DSCAM: variants seen among roughly 807,000 people sequenced by gnomAD.
DSCAM encodes the protein cell adhesion molecule DSCAM.
A neutral mutation model predicts 217.7 loss-of-function variants in DSCAM; 47 were observed. The observed-to-expected ratio is 0.22, with a 90% CI of 0.17 to 0.28. The LOEUF (loss-of-function observed/expected upper bound fraction) is 0.28. DSCAM is among the 10% of genes least tolerant of loss of function. DSCAM has a pLI of 1.00. For synonymous variants in DSCAM, 1,056 were observed against 1,015.3 expected (o/e 1.04, Z -0.76); for missense variants, 2,080 against 2,618.3 (o/e 0.79, Z 4.49).
At chr21:40,281,159 T>C (rs1601514002) in intron 10 of DSCAM, among the ~76,000 whole-genome samples, 1 of 152,212 alleles carries the variant, frequency 6.6e-6, no homozygotes, top group Non-Finnish European at 1.5e-5. Flanking sequence ...GGGTAATTTG[T>C]TACAAAGCAA....
chr21:40,257,183 T>C (rs918988260), intron 11 of DSCAM, among the ~76,000 whole-genome samples: 4 of 152,134 alleles, frequency 2.6e-5, no homozygotes, highest in African/African-American at 7.2e-5. Flanking sequence ...TCATACAGGA[T>C]ACAAAACTCT....
At chr21:40,269,354 TCTG>T (rs2073583975) in intron 11 of DSCAM, among the ~76,000 whole-genome samples, 1 of 152,228 alleles carries the variant, frequency 6.6e-6, no homozygotes, top group Non-Finnish European at 1.5e-5. Context: ...ATTCTGGTTG[TCTG>T]CCCATCCTTC....
intron 7 of DSCAM, among the ~76,000 whole-genome samples, chr21:40,338,727 C>G (rs9976264): frequency 0.02 from 2,987 of 152,284 alleles, 45 homozygotes; most frequent in Non-Finnish European, 0.031. Context: ...AATTGTTTAA[C>G]TCTCTCTGTA....
intron 3 of DSCAM, among the ~76,000 whole-genome samples, chr21:40,508,784 T>A (rs2076234951): frequency 1.1e-4 from 1 of 9,090 alleles, no homozygotes. Context: ...TATATATATA[T>A]TTTTTTTTTT....
intron 3 of DSCAM, among the ~76,000 whole-genome samples, chr21:40,392,569 G>C (rs981077669): frequency 6.6e-6 from 1 of 152,162 alleles, no homozygotes; most frequent in Non-Finnish European, 1.5e-5. Flanking sequence ...AAGAAGGGTA[G>C]AACACAAGTT....
intron 11 of DSCAM, among the ~76,000 whole-genome samples, chr21:40,208,462 A>G (rs998305900): frequency 6.6e-6 from 1 of 152,172 alleles, no homozygotes; most frequent in African/African-American, 2.4e-5. Flanking sequence ...CCGGGCCACA[A>G]TTCCATTGTC....
chr21:40,750,158 C>T (rs1314108679), intron 1 of DSCAM, among the ~76,000 whole-genome samples: 1 of 152,062 alleles, frequency 6.6e-6, no homozygotes, highest in Non-Finnish European at 1.5e-5. Flanking sequence ...AAACTCCCAA[C>T]CTGAGGTGAT....
intron 3 of DSCAM, among the ~76,000 whole-genome samples, chr21:40,681,851 G>A (rs2090404382): frequency 6.6e-6 from 1 of 152,186 alleles, no homozygotes; most frequent in South Asian, 2.1e-4. Context: ...ACTGGATGGA[G>A]TGAGACTTCT....
chr21:40,290,371 C>T (rs1228937347), intron 10 of DSCAM, among the ~76,000 whole-genome samples: 2 of 152,098 alleles, frequency 1.3e-5, no homozygotes, highest in Admixed American at 1.3e-4. Context: ...GTCTGTAATC[C>T]CAGCACTTTG....
In DSCAM at chr21:40,433,165, T is replaced by G. The variant is rs137973656; in HGVS notation, c.509-63920A>C. Among the ~76,000 whole-genome samples, 1,239 of 151,878 alleles carry G rather than the reference T, an allele frequency of 8.2e-3. 14 individuals are homozygous for G. Among genetic ancestry groups the G allele is most frequent in the Non-Finnish European group, 0.012 (786 of 67,934 alleles). On this transcript the variant is annotated intron_variant, in intron 3 of 32. Transcript: ENST00000400454. ...CGAGGTCAGAAGATAGAGACCATCC[T>G]GGCCAACACGGTGAAACCCTGTCTC...
intron 6 of DSCAM, among the ~76,000 whole-genome samples, chr21:40,344,305 T>C (rs1874398041): frequency 6.6e-6 from 1 of 152,238 alleles, no homozygotes; most frequent in African/African-American, 2.4e-5. Context: ...TTTCTCATGG[T>C]ATTTGTTCTT....
At chr21:40,173,285 G>A (rs2090679052) in intron 15 of DSCAM, among the ~76,000 whole-genome samples, 1 of 152,162 alleles carries the variant, frequency 6.6e-6, no homozygotes, top group African/African-American at 2.4e-5. Flanking sequence ...TAATAGGGTG[G>A]CCAGGATTGG....
At chr21:40,603,608 TAAC>T (rs2077078774) in intron 3 of DSCAM, among the ~76,000 whole-genome samples, 2 of 152,234 alleles carry the variant, frequency 1.3e-5, no homozygotes. Flanking sequence ...GGTTTACTGG[TAAC>T]AAATTCCCTC....
intron 1 of DSCAM, among the ~76,000 whole-genome samples, chr21:40,734,282 A>T (rs1396923457): frequency 6.6e-6 from 1 of 152,156 alleles, no homozygotes; most frequent in East Asian, 1.9e-4. Context: ...ACGGGGCTAC[A>T]AGAGGAGAGC....
intron 3 of DSCAM, among the ~76,000 whole-genome samples, chr21:40,497,053 T>G (rs566104492): frequency 2.0e-5 from 3 of 152,212 alleles, no homozygotes; most frequent in Admixed American, 6.5e-5. Context: ...AAATTTACAC[T>G]GGTACAGCCA....
At chr21:40,312,029 C>G in intron 9 of DSCAM, 52 bp downstream of exon 9, 1 of 1,333,226 alleles carries the variant, frequency 7.5e-7, no homozygotes, top group Non-Finnish European at 1.0e-6. Context: ...CATCTTAAAC[C>G]ATTGTTAAAT....
At chr21:40,711,171 G>A (rs2090775649) in intron 1 of DSCAM, among the ~76,000 whole-genome samples, 1 of 152,164 alleles carries the variant, frequency 6.6e-6, no homozygotes, top group Non-Finnish European at 1.5e-5. Flanking sequence ...CCTCATTTGT[G>A]TGGGGATTAC....
intron 11 of DSCAM, among the ~76,000 whole-genome samples, chr21:40,251,632 G>A: frequency 6.6e-6 from 1 of 152,084 alleles, no homozygotes; most frequent in East Asian, 1.9e-4. Context: ...CCTGTAGTGG[G>A]CAGATTCCAA....
chr21:40,810,308 G>T (rs901578614), intron 1 of DSCAM, among the ~76,000 whole-genome samples: 1 of 152,148 alleles, frequency 6.6e-6, no homozygotes, highest in African/African-American at 2.4e-5. Flanking sequence ...TCTTCAGGGG[G>T]AAGAAAATTA....
Sources: gnomAD v4.1 joint callset for allele counts (sites outside exome capture counted in the v4.1 genomes callset) on GRCh38, gnomAD v4.1.1 for gene constraint, MANE v1.5 for transcripts, NCBI Gene and HGNC (gene_info 2026-07-23, HGNC 2026-07-21) for gene names.